ZNF81: variants seen among roughly 807,000 people sequenced by gnomAD.
ZNF81 encodes zinc finger protein 81, also known as zinc finger protein 81 (HFZ20).
A neutral mutation model predicts 32.3 loss-of-function variants in ZNF81; 5 were observed. The ratio of observed to expected loss-of-function variants is 0.15; its 90% CI spans 0.08 to 0.33. ZNF81 has a LOEUF of 0.33. ZNF81 is among the 10% of genes least tolerant of loss of function. The pLI is 1.00. For missense variants in ZNF81, 379 were observed against 479.8 expected, an observed-to-expected ratio of 0.79 and a Z score of 1.96; for synonymous variants, 163 against 166.8, an observed-to-expected ratio of 0.98 and a Z score of 0.17.
At chrX:47,862,289 A>C (rs1400112460) in intron 2 of ZNF81, among the ~76,000 whole-genome samples, 1 of 110,359 alleles carries the variant, frequency 9.1e-6, no homozygotes, top group Non-Finnish European at 1.9e-5. Flanking sequence ...GCACTTTGGG[A>C]GGTCCGAGGC....
At chrX:47,867,238 C>T (rs990337529) in intron 2 of ZNF81, among the ~76,000 whole-genome samples, 9 of 111,677 alleles carry the variant, frequency 8.1e-5, no homozygotes, top group African/African-American at 3.3e-5. Context: ...ACATCCTGCA[C>T]AGGTATGCTG....
At chrX:47,902,483 C>T (rs1459924408) in intron 4 of ZNF81, among the ~76,000 whole-genome samples, 12 of 111,487 alleles carry the variant, frequency 1.1e-4, no homozygotes, top group Non-Finnish European at 1.9e-4. Context: ...TTACTACATC[C>T]AACAACTACA....
intron 2 of ZNF81, among the ~76,000 whole-genome samples, chrX:47,868,513 G>A (rs781833628): frequency 3.6e-5 from 4 of 110,982 alleles, no homozygotes; most frequent in South Asian, 3.8e-4. Context: ...TTTTGGTTCC[G>A]TCATTAAATT....
chrX:47,846,056 G>A, intron 1 of ZNF81, 49 bp from the exon 2 acceptor site: 2 of 499,666 alleles, frequency 4.0e-6, no homozygotes, highest in Non-Finnish European at 7.2e-6. Flanking sequence ...GGAGATGTCT[G>A]TGTAGTAAGT....
At chrX:47,870,704 A>G (rs1382177501) in intron 2 of ZNF81, among the ~76,000 whole-genome samples, 1 of 112,591 alleles carries the variant, frequency 8.9e-6, no homozygotes, top group East Asian at 2.8e-4. Flanking sequence ...TATGAAATCC[A>G]GCTGCCACCA....
chrX:47,911,953 C>G (rs938213307), intron 4 of ZNF81, among the ~76,000 whole-genome samples: 25 of 110,545 alleles, frequency 2.3e-4, no homozygotes, highest in Non-Finnish European at 4.1e-4. Context: ...AAACTGGACT[C>G]TTTTGAGGCA....
chrX:47,846,210 G>T lies in ZNF81; in HGVS notation c.-58G>T. ...CCCGTTGAGTCCACCGATCCCACTG[G>T]AATTATAAAGTTGTCAGCAAGAAAG... On this transcript the variant is annotated 5_prime_UTR_variant, in exon 2 of 5. Coordinates refer to ENST00000338637, the MANE Select transcript of ZNF81 (RefSeq NM_007137.5). 8.5e-7 allele frequency: 1 copy of T among 1,174,145 alleles called. No individual in the cohort carries two copies. The highest frequency in any genetic ancestry group is 1.1e-6 in the Non-Finnish European group (1 of 870,805).
Position 47,919,289 on chromosome X carries a change from A to G in ZNF81, c.*2657A>G, listed in dbSNP as rs782613061. The G allele has an allele frequency of 3.2e-6, 1 of 310,821 alleles. No homozygotes were observed. Among genetic ancestry groups the G allele is most frequent in the Non-Finnish European group, 6.3e-6 (1 of 159,159 alleles). 25.6% of individuals were successfully genotyped at this position (310,821 alleles called of 1,213,427 possible). A position where few individuals can be genotyped will look rare whatever the true frequency, so the allele number is the denominator to read the frequency against. ...TTGTGTTTCAGTTAGGATAATTTCT[A>G]TTGATCTGTCTTCAAATTCACTGAT... On this transcript the variant is annotated 3_prime_UTR_variant, in exon 5 of 5. Coordinates refer to ENST00000338637, the MANE Select transcript of ZNF81 (RefSeq NM_007137.5).
intron 2 of ZNF81, among the ~76,000 whole-genome samples, chrX:47,880,990 C>G (rs2058618722): frequency 8.9e-6 from 1 of 111,753 alleles, no homozygotes; most frequent in African/African-American, 3.3e-5. Context: ...AGCTCAGTCT[C>G]TCTTCCTCTT....
Position 47,925,576 on chromosome X carries a change from T to G in ZNF81, c.*8944T>G, listed in dbSNP as rs1239688740. 8.9e-6 allele frequency among the ~76,000 whole-genome samples: 1 copy of G among 112,450 alleles called. No homozygotes were observed. Among genetic ancestry groups the G allele is most frequent in the African/African-American group, 3.2e-5 (1 of 31,003 alleles). Reference sequence around the variant, plus strand: ...ATTCATGTTTTGATGGAAATTTGTATTTCCAGCTTTTGGCTATTACAAATA... The same window carrying G: ...ATTCATGTTTTGATGGAAATTTGTAGTTCCAGCTTTTGGCTATTACAAATA... On this transcript the variant is annotated 3_prime_UTR_variant, in exon 5 of 5. Transcript: ENST00000338637.
intron 2 of ZNF81, among the ~76,000 whole-genome samples, chrX:47,873,616 T>G: frequency 8.9e-6 from 1 of 111,877 alleles, no homozygotes; most frequent in Non-Finnish European, 1.9e-5. Flanking sequence ...CGTGATTCCT[T>G]TGGAAAATAG....
chrX:47,908,275 G>T (rs946002335), intron 4 of ZNF81, among the ~76,000 whole-genome samples: 4 of 110,439 alleles, frequency 3.6e-5, no homozygotes, highest in African/African-American at 1.3e-4. Flanking sequence ...TATATGAGAA[G>T]GTGCTAAAGA....
chrX:47,883,711 C>T (rs965958092), intron 2 of ZNF81, among the ~76,000 whole-genome samples: 27 of 111,949 alleles, frequency 2.4e-4, no homozygotes, highest in African/African-American at 8.8e-4. Flanking sequence ...CTGATTTAGA[C>T]TTTTGTAATA....
chrX:47,914,056 G>A (rs1303790880), intron 4 of ZNF81, among the ~76,000 whole-genome samples: 2 of 111,012 alleles, frequency 1.8e-5, no homozygotes, highest in Non-Finnish European at 3.8e-5. Context: ...GAAAAAAAAA[G>A]AATTGAAAGC....
At chrX:47,849,845 T>C (rs2058486675) in intron 2 of ZNF81, among the ~76,000 whole-genome samples, 1 of 111,863 alleles carries the variant, frequency 8.9e-6, no homozygotes, top group Non-Finnish European at 1.9e-5. Flanking sequence ...GATGAAGATA[T>C]TCAGATGGCT....
Position 47,858,920 on chromosome X carries a change from G to A in ZNF81, c.54+12599G>A, listed in dbSNP as rs139361840. On this transcript the variant is annotated intron_variant, in intron 2 of 4. Transcript: ENST00000338637. The stretch of plus-strand genomic sequence containing the variant: ...AGCCTGACCAACATGGTGAAACCCC[G>A]TCTCTACTAAAAATACAAAATTAGC... 0.014 allele frequency among the ~76,000 whole-genome samples: 1,539 copies of A among 109,450 alleles called. 79 individuals carry two copies. In the East Asian group the frequency reaches 0.16, roughly 12 times the overall value.
At chrX:47,899,170 TG>T (rs1401069429) in intron 4 of ZNF81, among the ~76,000 whole-genome samples, 1 of 111,760 alleles carries the variant, frequency 8.9e-6, no homozygotes, top group Non-Finnish European at 1.9e-5. Context: ...GTCTTGGTTC[TG>T]ATATTGTGGG....
At chrX:47,904,860 A>G (rs1556888838) in intron 4 of ZNF81, among the ~76,000 whole-genome samples, 1 of 111,072 alleles carries the variant, frequency 9.0e-6, no homozygotes, top group Non-Finnish European at 1.9e-5. Flanking sequence ...TGGCACATAT[A>G]CACCATGGAA....
chrX:47,902,908 C>T (rs782412871), intron 4 of ZNF81, among the ~76,000 whole-genome samples: 6 of 111,632 alleles, frequency 5.4e-5, no homozygotes, highest in South Asian at 3.7e-4. Flanking sequence ...TAAAAATTAA[C>T]GCAAATCAAT....
Sources: allele counts gnomAD v4.1 joint callset (sites outside exome capture counted in the v4.1 genomes callset), GRCh38; gene constraint gnomAD v4.1.1; transcripts MANE v1.5; gene names NCBI Gene and HGNC (gene_info 2026-07-23, HGNC 2026-07-21).